The following MYO9A variants were observed in gnomAD, a reference collection of about 807,000 sequenced individuals.
MYO9A encodes myosin IXA.
A neutral mutation model predicts 293.3 loss-of-function variants in MYO9A; 103 were observed. The ratio of observed to expected loss-of-function variants is 0.35; its 90% CI spans 0.30 to 0.41. The LOEUF (loss-of-function observed/expected upper bound fraction) is 0.41, where lower values mean the gene tolerates loss of function less well. Among genes scored for constraint, MYO9A ranks in the 10% least tolerant of loss-of-function variants. The probability of loss-of-function intolerance (pLI) is 1.00; values close to 1 mark genes in which losing one functional copy is unlikely to be tolerated. For synonymous variants in MYO9A, 1,001 were observed against 1,035.7 expected, an observed-to-expected ratio of 0.97 and a Z score of 0.64; for missense variants, 2,685 against 3,033.0, an observed-to-expected ratio of 0.89 and a Z score of 2.69.
chr15:72,016,412 C>G (rs891071082), intron 6 of MYO9A, among the ~76,000 whole-genome samples: 1 of 152,180 alleles, frequency 6.6e-6, no homozygotes, highest in Non-Finnish European at 1.5e-5. Context: ...GGAACTAAAT[C>G]ACCACACAAG....
chr15:71,845,113 G>C (rs1301948248), intron 39 of MYO9A, among the ~76,000 whole-genome samples: 2 of 152,192 alleles, frequency 1.3e-5, no homozygotes, highest in Non-Finnish European at 2.9e-5. Context: ...GGAAGGAACT[G>C]AATTATCAGA....
intron 28 of MYO9A, 33 bp downstream of exon 28, chr15:71,883,561 T>C (rs1213922535): frequency 1.9e-6 from 3 of 1,589,300 alleles, no homozygotes; most frequent in East Asian, 2.2e-5. Flanking sequence ...ACAGAAATTA[T>C]GAACACAAGT....
chr15:71,883,266 T>C (rs540101799), intron 28 of MYO9A, among the ~76,000 whole-genome samples: 5 of 152,216 alleles, frequency 3.3e-5, no homozygotes, highest in Non-Finnish European at 5.9e-5. Flanking sequence ...TTAGCTGCTA[T>C]TAGTTATAAC....
chr15:72,018,983 G>T, intron 6 of MYO9A, 56 bp downstream of exon 6: 2 of 1,370,402 alleles, frequency 1.5e-6, no homozygotes, highest in Non-Finnish European at 1.0e-6. Context: ...GGATGCAAAT[G>T]CGCAATGTGA....
At position 72,074,056 on chromosome 15, in the gene MYO9A, T is replaced by C. The variant is rs552813381; in HGVS notation, c.-71-27422A>G. 1.6e-4 allele frequency among the ~76,000 whole-genome samples: 24 copies of C among 152,198 alleles called. No homozygotes were observed. In the South Asian group the frequency reaches 3.9e-3, roughly 25 times the overall value. ...AATGAAAGAAGCTATAAACAAAAAT[T>C]TATCCTCACATCACCTGCCTTTACA... On this transcript the variant is annotated intron_variant, in intron 1 of 41. Transcript: ENST00000356056.
At chr15:71,970,852 G>T (rs903405263) in intron 12 of MYO9A, among the ~76,000 whole-genome samples, 1 of 151,954 alleles carries the variant, frequency 6.6e-6, no homozygotes, top group Non-Finnish European at 1.5e-5. Context: ...TAGCTTTCGG[G>T]TAACAGCAAA....
At chr15:72,028,445 C>T (rs1365164416) in intron 3 of MYO9A, among the ~76,000 whole-genome samples, 3 of 151,034 alleles carry the variant, frequency 2.0e-5, no homozygotes, top group Non-Finnish European at 3.0e-5. Context: ...GTCAGGAGTT[C>T]GAGACCAGCC....
Position 71,916,353 on chromosome 15 carries a change from G to A in MYO9A, c.2685+17C>T. The A allele has an allele frequency of 6.2e-7, 1 of 1,604,262 alleles. No individual in the cohort carries two copies. The highest frequency in any genetic ancestry group is 1.7e-5 in the Admixed American group (1 of 57,446). On this transcript the variant is annotated intron_variant, in intron 19 of 41. Coordinates refer to ENST00000356056, the MANE Select transcript of MYO9A (RefSeq NM_006901.4). ...AGATACAGATTCTTATTTGTTTTAA[G>A]CGAAACAAGAAATAACCTGAAACTG...
chr15:72,068,632 AT>A (rs1014025499), intron 1 of MYO9A, among the ~76,000 whole-genome samples: 2 of 151,564 alleles, frequency 1.3e-5, no homozygotes, highest in African/African-American at 4.9e-5. Flanking sequence ...TGCCTGGTTA[AT>A]TTTTTTTATT....
chr15:71,898,393 C>T lies in MYO9A; in HGVS notation c.4110G>A (p.Arg1370=). 1 of 1,613,532 alleles carries T rather than the reference C, an allele frequency of 6.2e-7. No homozygotes were observed. Among genetic ancestry groups the T allele is most frequent in the Non-Finnish European group, 8.5e-7 (1 of 1,180,006 alleles). The part of the protein sequence containing the change: ...KISSSPKFDS[R]DNALSASNET... ...CATTTGAGGCACTGAGGGCATTGTC[C>T]CGTGAATCAAATTTTGGACTGCTGG... is the stretch of plus-strand genomic sequence containing the variant. Residue 1370 remains arginine (R), a synonymous_variant, in exon 25 of 42, where the codon CGG becomes CGA. Coordinates refer to ENST00000356056, the MANE Select transcript of MYO9A (RefSeq NM_006901.4).
chr15:72,087,235 C>T (rs1432576536), intron 1 of MYO9A, among the ~76,000 whole-genome samples: 1 of 152,178 alleles, frequency 6.6e-6, no homozygotes, highest in Non-Finnish European at 1.5e-5. Context: ...GGTTGATGGG[C>T]AAGACTGCCC....
At chr15:72,096,459 G>A (rs77854025) in intron 1 of MYO9A, among the ~76,000 whole-genome samples, 4,233 of 152,266 alleles carry the variant, frequency 0.028, 80 homozygotes, top group African/African-American at 0.044. Context: ...TAAGCCCACC[G>A]TTGAGACCTA....
chr15:71,852,364 T>A (rs2055687640), intron 35 of MYO9A, 104 bp from the exon 36 acceptor site: 27 of 526,948 alleles, frequency 5.1e-5, no homozygotes, highest in East Asian at 1.5e-4. Flanking sequence ...TCATGTTTCT[T>A]TTTTTTTTTT....
intron 1 of MYO9A, among the ~76,000 whole-genome samples, chr15:72,099,406 G>A (rs1283497062): frequency 8.0e-6 from 1 of 125,584 alleles, no homozygotes; most frequent in Non-Finnish European, 1.6e-5. Context: ...CTGGGCAATA[G>A]AGCAAGACCC....
chr15:72,055,991 G>A (rs1274090635), intron 1 of MYO9A, among the ~76,000 whole-genome samples: 1 of 152,176 alleles, frequency 6.6e-6, no homozygotes, highest in African/African-American at 2.4e-5. Context: ...ACTTTAGGAG[G>A]CCAAGGCAGG....
In MYO9A at chr15:71,971,718, A is replaced by G. The variant is rs573832310; in HGVS notation, c.1845-3593T>C. On this transcript the variant is annotated intron_variant, in intron 12 of 41. Transcript: ENST00000356056. ...GTCATTTGCCTTCTGCATACAAGAA[A>G]ACTGAGGACTAAGGATATTATGAGA... 5.3e-5 allele frequency among the ~76,000 whole-genome samples: 8 copies of G among 151,844 alleles called. No individual in the cohort carries two copies. The East Asian group carries it at 9.6e-4, about 18-fold the overall frequency.
chr15:72,045,487 A>G (rs2078357471), intron 2 of MYO9A: 2 of 315,254 alleles, frequency 6.3e-6, no homozygotes, highest in East Asian at 1.1e-4. Flanking sequence ...GCTGGTCTGG[A>G]ACTCCTGACC....
chr15:71,940,813 GCAAA>G (rs1421602402), intron 15 of MYO9A, among the ~76,000 whole-genome samples: 2 of 152,026 alleles, frequency 1.3e-5, no homozygotes, highest in Non-Finnish European at 2.9e-5. Context: ...AAACAATCTT[GCAAA>G]CAATCTTCAA....
At chr15:71,900,689 G>A (rs553009635) in intron 23 of MYO9A, among the ~76,000 whole-genome samples, 2 of 152,078 alleles carry the variant, frequency 1.3e-5, no homozygotes, top group South Asian at 4.2e-4. Context: ...ATGGGTTTAA[G>A]GTAATCCTGA....
Sources: allele counts gnomAD v4.1 joint callset (sites outside exome capture counted in the v4.1 genomes callset), GRCh38; gene constraint gnomAD v4.1.1; transcripts MANE v1.5; gene names NCBI Gene and HGNC (gene_info 2026-07-23, HGNC 2026-07-21).